PLEKHA7: variants seen among roughly 807,000 people sequenced by gnomAD.
PLEKHA7 encodes the protein pleckstrin homology domain containing A7.
Under a neutral mutation model 170.0 loss-of-function variants are expected in PLEKHA7, and 104 were observed. That is an observed-to-expected ratio of 0.61 (90% CI 0.52 to 0.72). PLEKHA7 has a LOEUF of 0.72. Ranked by LOEUF, PLEKHA7 falls within the 30% of genes least tolerant of loss-of-function variation. The probability of loss-of-function intolerance (pLI) is 0.00; values close to 1 mark genes in which losing one functional copy is unlikely to be tolerated. For synonymous variants in PLEKHA7, 648 were observed against 660.8 expected, an observed-to-expected ratio of 0.98 and a Z score of 0.30; for missense variants, 1,615 against 1,671.7, an observed-to-expected ratio of 0.97 and a Z score of 0.59.
intron 3 of PLEKHA7, among the ~76,000 whole-genome samples, chr11:16,971,357 G>A (rs565754975): frequency 1.3e-5 from 2 of 152,304 alleles, no homozygotes; most frequent in African/African-American, 4.8e-5. Context: ...ATATTTCACA[G>A]CACCATTTTT....
chr11:16,881,464 C>T lies in PLEKHA7; in HGVS notation c.222-10282G>A, dbSNP rs1855707680. The T allele has an allele frequency of 2.0e-5, 3 of 152,222 alleles. 1 individual carries two copies. The South Asian group carries it at 6.2e-4, about 32-fold the overall frequency. 9.4% of individuals were successfully genotyped at this position (152,222 alleles called of 1,614,324 possible). ...CAGCAGCCACTTGTTCCTGCTCATT[C>T]ATTCTCGTTCCTCTCCACCCCCCAC... On this transcript the variant is annotated intron_variant, in intron 3 of 26. Coordinates refer to ENST00000531066, the MANE Select transcript of PLEKHA7 (RefSeq NM_001329630.2).
chr11:16,900,843 ATTTT>A (rs1195144939), intron 3 of PLEKHA7, among the ~76,000 whole-genome samples: 1 of 150,984 alleles, frequency 6.6e-6, no homozygotes, highest in Admixed American at 6.6e-5. Flanking sequence ...GGAAGTCATG[ATTTT>A]TTATTTTTTT....
Position 16,854,996 on chromosome 11 carries a change from A to G in PLEKHA7, c.418-3T>C. 1 of 1,613,178 alleles carries G rather than the reference A, an allele frequency of 6.2e-7. No individual in the cohort carries two copies. Among genetic ancestry groups the G allele is most frequent in the East Asian group, 2.2e-5 (1 of 44,882 alleles). On this transcript the variant is annotated splice_region_variant and splice_polypyrimidine_tract_variant and intron_variant, in intron 5 of 26. Coordinates refer to ENST00000531066, the MANE Select transcript of PLEKHA7 (RefSeq NM_001329630.2). The stretch of plus-strand genomic sequence containing the variant: ...ACTTTACTGCTGGACTTTATGATCT[A>G]TGAAAAAGCAGACTGAACTTTAGCA...
chr11:16,935,824 T>A (rs1860250404), intron 3 of PLEKHA7, among the ~76,000 whole-genome samples: 1 of 152,230 alleles, frequency 6.6e-6, no homozygotes, highest in African/African-American at 2.4e-5. Flanking sequence ...AGCATTTTTT[T>A]TATCACCAGA....
chr11:16,837,933 A>T (rs1851646538), intron 9 of PLEKHA7, among the ~76,000 whole-genome samples: 1 of 152,194 alleles, frequency 6.6e-6, no homozygotes, highest in African/African-American at 2.4e-5. Flanking sequence ...CAGTGACATA[A>T]GGGAAATTGG....
rs1440451488 is a variant in PLEKHA7 at position 16,794,801 on chromosome 11, G to A, written c.2519-87C>T. 5.9e-6 allele frequency: 9 copies of A among 1,524,074 alleles called. No individual in the cohort carries two copies. The African/African-American group carries it at 1.1e-4, about 19-fold the overall frequency. 94.4% of individuals were successfully genotyped at this position (1,524,074 alleles called of 1,614,324 possible). On this transcript the variant is annotated intron_variant, in intron 18 of 26. Coordinates refer to ENST00000531066, the MANE Select transcript of PLEKHA7 (RefSeq NM_001329630.2). ...GAGTGGAGTAATTTAGCACCTCGAA[G>A]ACTCAACCTCCCCAAGGGCCATCCC...
chr11:16,864,565 G>T (rs1185049091), intron 4 of PLEKHA7, among the ~76,000 whole-genome samples: 1 of 152,114 alleles, frequency 6.6e-6, no homozygotes, highest in Non-Finnish European at 1.5e-5. Flanking sequence ...GTCATGGGAG[G>T]GACCCAGTGG....
intron 3 of PLEKHA7, among the ~76,000 whole-genome samples, chr11:16,965,984 A>C (rs1862348373): frequency 6.6e-6 from 1 of 152,124 alleles, no homozygotes; most frequent in Admixed American, 6.5e-5. Flanking sequence ...GGAGTTCGAG[A>C]CCAGCCTGGC....
At chr11:16,850,145 C>T (rs972702881) in intron 8 of PLEKHA7, among the ~76,000 whole-genome samples, 1 of 152,184 alleles carries the variant, frequency 6.6e-6, no homozygotes, top group Non-Finnish European at 1.5e-5. Context: ...GGCGTCTTAC[C>T]TTGAGCTTTC....
intron 3 of PLEKHA7, among the ~76,000 whole-genome samples, chr11:16,893,841 G>A (rs1856831036): frequency 1.3e-5 from 2 of 152,224 alleles, no homozygotes. Flanking sequence ...AAAGCACAGT[G>A]TCTTTGTTTG....
At position 16,777,646 on chromosome 11, in the gene PLEKHA7, C is replaced by T. The variant is rs1324434940; in HGVS notation, c.*1352G>A. On this transcript the variant is annotated 3_prime_UTR_variant, in exon 27 of 27. Transcript: ENST00000531066. Reference sequence around the variant, plus strand: ...TATGCAGAATAATATAAGAAAACAACTTAAATAAAGGGCCACAAACACTGC... The same window carrying T: ...TATGCAGAATAATATAAGAAAACAATTTAAATAAAGGGCCACAAACACTGC... The T allele has an allele frequency of 6.6e-6, 1 of 152,150 alleles. No homozygotes were observed. Among genetic ancestry groups the T allele is most frequent in the African/African-American group, 2.4e-5 (1 of 41,412 alleles). 9.4% of individuals were successfully genotyped at this position (152,150 alleles called of 1,614,324 possible).
At chr11:16,867,202 G>C (rs1854464819) in intron 4 of PLEKHA7, among the ~76,000 whole-genome samples, 1 of 152,168 alleles carries the variant, frequency 6.6e-6, no homozygotes, top group African/African-American at 2.4e-5. Flanking sequence ...ACCTGCATCA[G>C]AATCAACTGG....
In PLEKHA7 at chr11:16,795,726, T is replaced by G. The variant is rs374263209; in HGVS notation, c.2410-708A>C. 2.3e-4 allele frequency among the ~76,000 whole-genome samples: 34 copies of G among 150,016 alleles called. No homozygotes were observed. In the East Asian group the frequency reaches 6.4e-3, roughly 28 times the overall value. On this transcript the variant is annotated intron_variant, in intron 17 of 26. Coordinates refer to ENST00000531066, the MANE Select transcript of PLEKHA7 (RefSeq NM_001329630.2). ...ATCGCTTGAACCTGGGAGGCAGAGG[T>G]TGCAGTGAGCCGAGATCATATCACT... is the stretch of plus-strand genomic sequence containing the variant.
intron 12 of PLEKHA7, 35 bp from the exon 13 acceptor site, chr11:16,813,201 TGA>T: frequency 1.3e-6 from 2 of 1,585,886 alleles, no homozygotes; most frequent in Non-Finnish European, 1.7e-6. Context: ...AACACAGTTA[TGA>T]ACACCAAGAG....
chr11:16,936,415 A>AAAAAAAC (rs1860305210), intron 3 of PLEKHA7, among the ~76,000 whole-genome samples: 1 of 150,984 alleles, frequency 6.6e-6, no homozygotes, highest in Non-Finnish European at 1.5e-5. Context: ...AAAAAAAAAA[A>AAAAAAAC]AAAAAAAAAA....
At chr11:16,971,832 CT>C (rs1233049876) in intron 3 of PLEKHA7, among the ~76,000 whole-genome samples, 2 of 146,322 alleles carry the variant, frequency 1.4e-5, no homozygotes, top group Non-Finnish European at 3.0e-5. Context: ...GTTTTTTTTT[CT>C]TTTTTATTGA....
At chr11:16,818,952 T>C (rs1340673869) in intron 10 of PLEKHA7, among the ~76,000 whole-genome samples, 2 of 133,502 alleles carry the variant, frequency 1.5e-5, no homozygotes, top group Non-Finnish European at 3.2e-5. Context: ...TACAGGCGTG[T>C]GCCACCACAC....
At position 16,782,805 on chromosome 11, in the gene PLEKHA7, T is replaced by A; in HGVS notation, c.3742A>T (p.Ile1248Phe). The A allele has an allele frequency of 6.5e-7, 1 of 1,536,188 alleles. No individual in the cohort carries two copies. Among genetic ancestry groups the A allele is most frequent in the Non-Finnish European group, 8.7e-7 (1 of 1,146,916 alleles). ...QLQEQERIINISYALASEASQ... is the reference protein window; with the variant it reads ...QLQEQERIINFSYALASEASQ... ...GCCTCGGAGGCCAGGGCGTAGGAGA[T>A]GTTGATGATGCGCTCCTGCTCCTGC... The change falls in exon 26 of 27, where the codon ATC (isoleucine) becomes TTC (phenylalanine). Residue 1248 changes from isoleucine (I) to phenylalanine (F), a missense_variant. Ile to Phe is a conservative substitution (Grantham distance 21, BLOSUM62 0). Transcript: ENST00000531066.
At chr11:16,783,983 G>C (rs1203227463) in intron 24 of PLEKHA7, 150 bp from the exon 25 acceptor site, 2 of 890,962 alleles carry the variant, frequency 2.2e-6, no homozygotes, top group African/African-American at 1.7e-5. Context: ...TTAGTCAGTT[G>C]TGGAATCCAG....
Sources: gnomAD v4.1 joint callset for allele counts (sites outside exome capture counted in the v4.1 genomes callset) on GRCh38, gnomAD v4.1.1 for gene constraint, MANE v1.5 for transcripts, NCBI Gene and HGNC (gene_info 2026-07-23, HGNC 2026-07-21) for gene names.